The following RPS6KC1 variants were observed in gnomAD, a reference collection of about 807,000 sequenced individuals.
RPS6KC1 encodes the protein ribosomal protein S6 kinase C1, also known as inactive ribosomal protein S6 kinase delta-1.
A neutral mutation model predicts 103.8 loss-of-function variants in RPS6KC1; 54 were observed. The observed-to-expected ratio is 0.52, with a 90% CI of 0.42 to 0.65. The LOEUF is 0.65. Among genes scored for constraint, RPS6KC1 ranks in the 30% least tolerant of loss-of-function variants. The pLI is 0.00. For missense variants in RPS6KC1, 1,151 were observed against 1,253.8 expected, an observed-to-expected ratio of 0.92 and a Z score of 1.24; for synonymous variants, 439 against 438.7, an observed-to-expected ratio of 1.00 and a Z score of -0.01.
the RPS6KC1 span, among the ~76,000 whole-genome samples, chr1:213,650,626 T>A: frequency 6.6e-6 from 1 of 151,666 alleles, no homozygotes; most frequent in African/African-American, 2.4e-5. Flanking sequence ...ACCTGGGGAG[T>A]GGGGAACTGT....
chr1:213,472,470 T>C, the RPS6KC1 span, among the ~76,000 whole-genome samples: 22 of 152,246 alleles, frequency 1.4e-4, no homozygotes, highest in Admixed American at 1.3e-3. Flanking sequence ...TATGTAGCCA[T>C]TGTGACTCTC....
At chr1:213,059,398 G>A (rs925406636) in intron 1 of RPS6KC1, among the ~76,000 whole-genome samples, 1 of 152,216 alleles carries the variant, frequency 6.6e-6, no homozygotes, top group Non-Finnish European at 1.5e-5. Flanking sequence ...TAGGAGTGGT[G>A]AGAGTAGACT....
the RPS6KC1 span, among the ~76,000 whole-genome samples, chr1:213,861,586 A>AT: frequency 1.3e-5 from 2 of 152,198 alleles, no homozygotes; most frequent in Admixed American, 6.5e-5. Flanking sequence ...ACACACTCTC[A>AT]ATGCAAAGCC....
At chr1:213,491,377 AT>A in the RPS6KC1 span, among the ~76,000 whole-genome samples, 1 of 152,228 alleles carries the variant, frequency 6.6e-6, no homozygotes, top group South Asian at 2.1e-4. Context: ...GTGAAACCCC[AT>A]TTCTACCTAA....
At chr1:213,159,692 C>G (rs2090275946) in intron 6 of RPS6KC1, among the ~76,000 whole-genome samples, 1 of 152,188 alleles carries the variant, frequency 6.6e-6, no homozygotes, top group East Asian at 1.9e-4. Context: ...TATTTTCATT[C>G]ATGTGAATCT....
chr1:213,098,627 C>T (rs2081709164), intron 3 of RPS6KC1, among the ~76,000 whole-genome samples: 1 of 152,094 alleles, frequency 6.6e-6, no homozygotes, highest in Admixed American at 6.5e-5. Context: ...CACTCAACAC[C>T]TATTAACTAA....
the RPS6KC1 span, among the ~76,000 whole-genome samples, chr1:213,830,683 A>C: frequency 1.3e-5 from 2 of 152,026 alleles, no homozygotes; most frequent in Non-Finnish European, 2.9e-5. Flanking sequence ...AAAAAAAAAA[A>C]AAAAAAAACT....
the RPS6KC1 span, among the ~76,000 whole-genome samples, chr1:213,637,219 C>T: frequency 6.6e-6 from 1 of 152,244 alleles, no homozygotes; most frequent in East Asian, 1.9e-4. Flanking sequence ...CCTCAAGGAT[C>T]TAGAACTAGA....
chr1:213,599,907 C>CTG, the RPS6KC1 span, among the ~76,000 whole-genome samples: 1 of 152,158 alleles, frequency 6.6e-6, no homozygotes, highest in South Asian at 2.1e-4. Flanking sequence ...TGGTTTGGCT[C>CTG]TGTGTCCCCA....
At chr1:213,444,359 C>G in the RPS6KC1 span, among the ~76,000 whole-genome samples, 3 of 152,110 alleles carry the variant, frequency 2.0e-5, no homozygotes, top group Non-Finnish European at 2.9e-5. Context: ...TCATCACACT[C>G]TCTTTGGGAT....
rs541995837 is a variant in RPS6KC1 at position 213,255,199 on chromosome 1, G to A, written c.2912-6359G>A. ...CCATGCCTGTGGTCCTGGGACCCAT[G>A]CCTGTGGTCCCAGCTACTTAGGAGG... On this transcript the variant is annotated intron_variant, in intron 12 of 14. Transcript: ENST00000366960. Among the ~76,000 whole-genome samples, 13 of 151,960 alleles carry A rather than the reference G, an allele frequency of 8.6e-5. No individual in the cohort carries two copies. In the East Asian group the frequency reaches 2.5e-3, roughly 29 times the overall value.
chr1:213,666,363 A>G, the RPS6KC1 span, among the ~76,000 whole-genome samples: 50,495 of 152,068 alleles, frequency 0.33, 8,683 homozygotes, highest in Middle Eastern at 0.42. Flanking sequence ...CAACTTCCAC[A>G]TCGCATGGCC....
the RPS6KC1 span, among the ~76,000 whole-genome samples, chr1:213,698,906 A>T: frequency 3.8e-4 from 57 of 151,166 alleles, no homozygotes; most frequent in African/African-American, 9.7e-4. Flanking sequence ...AGTCTAGATA[A>T]TTTTTTTTAA....
chr1:213,728,808 C>T, the RPS6KC1 span, among the ~76,000 whole-genome samples: 1 of 152,074 alleles, frequency 6.6e-6, no homozygotes, highest in Non-Finnish European at 1.5e-5. Flanking sequence ...CCATATAGGT[C>T]ACAGCTCCTC....
At chr1:213,249,169 C>G (rs999672690) in intron 12 of RPS6KC1, among the ~76,000 whole-genome samples, 1 of 152,090 alleles carries the variant, frequency 6.6e-6, no homozygotes, top group Admixed American at 6.5e-5. Context: ...GTCAACTATT[C>G]AGTAATTGGC....
At chr1:213,790,616 G>T in the RPS6KC1 span, among the ~76,000 whole-genome samples, 4 of 152,152 alleles carry the variant, frequency 2.6e-5, no homozygotes, top group Non-Finnish European at 4.4e-5. Context: ...GAAAGAGAGA[G>T]AAAAAGAAGA....
the RPS6KC1 span, among the ~76,000 whole-genome samples, chr1:213,438,970 T>C: frequency 6.6e-6 from 1 of 151,850 alleles, no homozygotes; most frequent in Non-Finnish European, 1.5e-5. Context: ...ATTTTTTGTA[T>C]TTTTTAGTAG....
At chr1:213,556,710 G>A in the RPS6KC1 span, among the ~76,000 whole-genome samples, 1 of 152,192 alleles carries the variant, frequency 6.6e-6, no homozygotes, top group Non-Finnish European at 1.5e-5. Context: ...CATCTAAAAA[G>A]CATTATTTTA....
At chr1:213,664,986 C>T in the RPS6KC1 span, among the ~76,000 whole-genome samples, 2 of 152,106 alleles carry the variant, frequency 1.3e-5, no homozygotes, top group East Asian at 1.9e-4. Flanking sequence ...TACTGGCTAC[C>T]GTGGATTTTG....
Sources: gnomAD v4.1 joint callset for allele counts (sites outside exome capture counted in the v4.1 genomes callset) on GRCh38, gnomAD v4.1.1 for gene constraint, MANE v1.5 for transcripts, NCBI Gene and HGNC (gene_info 2026-07-23, HGNC 2026-07-21) for gene names.